The following LIN52 variants were observed in gnomAD, a reference collection of about 807,000 sequenced individuals.
LIN52 encodes lin-52 DREAM MuvB core complex component.
LIN52 carries 4 observed loss-of-function variants against 18.5 expected under a neutral mutation model. The ratio of observed to expected loss-of-function variants is 0.22; its 90% CI spans 0.11 to 0.49. The LOEUF (loss-of-function observed/expected upper bound fraction) is 0.49, where lower values mean the gene tolerates loss of function less well. Ranked by LOEUF, LIN52 falls within the 20% of genes least tolerant of loss-of-function variation. LIN52 has a pLI of 0.97. For missense variants in LIN52, 102 were observed against 139.5 expected, an observed-to-expected ratio of 0.73 and a Z score of 1.35; for synonymous variants, 34 against 45.5, an observed-to-expected ratio of 0.75 and a Z score of 1.02.
intron 5 of LIN52, among the ~76,000 whole-genome samples, chr14:74,191,252 T>A (rs1037213836): frequency 2.0e-5 from 3 of 152,222 alleles, no homozygotes; most frequent in African/African-American, 7.2e-5. Context: ...GCTAGCTCCA[T>A]CTCAAAGGCA....
chr14:74,091,907 A>G (rs1358005709), intron 2 of LIN52, among the ~76,000 whole-genome samples: 2 of 152,090 alleles, frequency 1.3e-5, no homozygotes, highest in Admixed American at 1.3e-4. Context: ...AGTGTTAAGA[A>G]TAGCTGTTTG....
intron 5 of LIN52, among the ~76,000 whole-genome samples, chr14:74,132,064 T>C (rs1178997130): frequency 6.6e-6 from 1 of 152,262 alleles, no homozygotes; most frequent in Non-Finnish European, 1.5e-5. Context: ...TGTTAACATT[T>C]ATGAGCCTGT....
At chr14:74,122,960 G>C (rs1176325725) in intron 5 of LIN52, among the ~76,000 whole-genome samples, 1 of 152,176 alleles carries the variant, frequency 6.6e-6, no homozygotes, top group Non-Finnish European at 1.5e-5. Flanking sequence ...AGGATCTGCA[G>C]GTGTTCCCTG....
chr14:74,116,218 G>A (rs745644197), intron 5 of LIN52, among the ~76,000 whole-genome samples: 4 of 152,096 alleles, frequency 2.6e-5, no homozygotes, highest in Non-Finnish European at 5.9e-5. Flanking sequence ...CATGAGAATC[G>A]CTTGAACACA....
intron 5 of LIN52, among the ~76,000 whole-genome samples, chr14:74,107,544 T>A (rs1475235372): frequency 6.6e-6 from 1 of 152,170 alleles, no homozygotes; most frequent in Non-Finnish European, 1.5e-5. Context: ...TAGAGCAGTT[T>A]GTTTGTTTGA....
At chr14:74,101,056 A>T in intron 4 of LIN52, 99 bp from the exon 5 acceptor site, 1 of 875,942 alleles carries the variant, frequency 1.1e-6, no homozygotes, top group Non-Finnish European at 1.8e-6. Flanking sequence ...AGTGGTAATT[A>T]AGCTTGAAAA....
chr14:74,167,111 G>GC (rs2061252667), intron 5 of LIN52, among the ~76,000 whole-genome samples: 1 of 33,088 alleles, frequency 3.0e-5, no homozygotes, highest in South Asian at 6.2e-4. Context: ...GGCCTCTGCT[G>GC]CTTTTTTTTT....
intron 5 of LIN52, among the ~76,000 whole-genome samples, chr14:74,140,214 G>T (rs940349492): frequency 3.3e-5 from 5 of 152,044 alleles, no homozygotes; most frequent in African/African-American, 1.2e-4. Flanking sequence ...ATTTAAAGGC[G>T]ACTCCTTACC....
intron 5 of LIN52, among the ~76,000 whole-genome samples, chr14:74,137,496 C>CTTTTTTTT (rs1409995305): frequency 0.015 from 1,273 of 84,986 alleles, 61 homozygotes; most frequent in African/African-American, 0.063. Flanking sequence ...CACAGCAGCT[C>CTTTTTTTT]TCTTTTTTTT....
intron 5 of LIN52, among the ~76,000 whole-genome samples, chr14:74,153,787 AC>A (rs1345998354): frequency 5.3e-5 from 8 of 151,336 alleles, no homozygotes; most frequent in Non-Finnish European, 1.2e-4. Context: ...CAGGTGATCC[AC>A]CCGCCTCTGC....
chr14:74,147,863 T>G (rs11159063), intron 5 of LIN52, among the ~76,000 whole-genome samples: 1 of 151,952 alleles, frequency 6.6e-6, no homozygotes, highest in Non-Finnish European at 1.5e-5. Flanking sequence ...GTTTTGCAAG[T>G]TGAAAAAGTT....
intron 5 of LIN52, among the ~76,000 whole-genome samples, chr14:74,131,916 A>G (rs2061070478): frequency 6.6e-6 from 1 of 152,240 alleles, no homozygotes; most frequent in Non-Finnish European, 1.5e-5. Flanking sequence ...TCTTAGAGAT[A>G]GAGTCACAAC....
intron 5 of LIN52, among the ~76,000 whole-genome samples, chr14:74,196,722 C>A (rs1048567029): frequency 1.3e-5 from 2 of 152,166 alleles, no homozygotes; most frequent in African/African-American, 4.8e-5. Context: ...CATTCACTCA[C>A]TCAGAAAATA....
chr14:74,114,264 G>A (rs1209604638), intron 5 of LIN52: 7 of 984,874 alleles, frequency 7.1e-6, no homozygotes, highest in Non-Finnish European at 8.4e-6. Context: ...GCATTTTCCT[G>A]TGTCATTAAA....
intron 5 of LIN52, among the ~76,000 whole-genome samples, chr14:74,116,512 C>T (rs2139914108): frequency 6.6e-6 from 1 of 152,040 alleles, no homozygotes; most frequent in East Asian, 1.9e-4. Flanking sequence ...TCGAGACCAG[C>T]CTGGCCAAGC....
chr14:74,135,320 C>G (rs2061091441), intron 5 of LIN52, among the ~76,000 whole-genome samples: 2 of 152,282 alleles, frequency 1.3e-5, no homozygotes, highest in South Asian at 4.1e-4. Context: ...GCGTTGGCCT[C>G]CCAAAGTGCT....
chr14:74,163,881 A>G (rs79909528), intron 5 of LIN52, among the ~76,000 whole-genome samples: 1 of 152,052 alleles, frequency 6.6e-6, no homozygotes, highest in Admixed American at 6.5e-5. Flanking sequence ...CACCTGCTTT[A>G]TTCTCTCCCA....
At chr14:74,185,309 C>CTTTTTTTTTTTT (rs71115969) in intron 5 of LIN52, among the ~76,000 whole-genome samples, 13 of 78,790 alleles carry the variant, frequency 1.6e-4, no homozygotes, top group East Asian at 4.1e-4. Context: ...ATAATGATTT[C>CTTTTTTTTTTTT]TTTTTTTTTT....
intron 5 of LIN52, among the ~76,000 whole-genome samples, chr14:74,137,496 CTCT>C (rs2061104393): frequency 1.1e-4 from 9 of 85,518 alleles, no homozygotes; most frequent in Admixed American, 6.4e-4. Context: ...CACAGCAGCT[CTCT>C]TTTTTTTTTT....
Sources: gnomAD v4.1 joint callset for allele counts (sites outside exome capture counted in the v4.1 genomes callset) on GRCh38, gnomAD v4.1.1 for gene constraint, MANE v1.5 for transcripts, NCBI Gene and HGNC (gene_info 2026-07-23, HGNC 2026-07-21) for gene names.